Variants in MTCL1 observed in about 807,000 individuals in gnomAD.
The protein encoded by MTCL1 is microtubule cross-linking factor 1.
A neutral mutation model predicts 141.4 loss-of-function variants in MTCL1; 79 were observed. That is an observed-to-expected ratio of 0.56 (90% confidence interval 0.47 to 0.67). The LOEUF is 0.67. Ranked by LOEUF, MTCL1 falls within the 30% of genes least tolerant of loss-of-function variation. The pLI is 0.00. For synonymous variants in MTCL1, 914 were observed against 875.8 expected (o/e 1.04, Z -0.77); for missense variants, 2,177 against 2,113.9 (o/e 1.03, Z -0.59).
chr18:8,755,892 C>T (rs552019867), intron 4 of MTCL1, among the ~76,000 whole-genome samples: 2 of 152,306 alleles, frequency 1.3e-5, no homozygotes, highest in East Asian at 3.9e-4. Flanking sequence ...GTAATCCCTG[C>T]ACTTTGGGAG....
intron 10 of MTCL1, among the ~76,000 whole-genome samples, chr18:8,804,495 CTT>C (rs530274618): frequency 2.2e-3 from 339 of 152,214 alleles, no homozygotes; most frequent in African/African-American, 7.8e-3. Context: ...GTGAGCATGT[CTT>C]TGAGTATAGT....
intron 7 of MTCL1, among the ~76,000 whole-genome samples, chr18:8,792,038 G>A (rs554655904): frequency 2.6e-5 from 4 of 152,276 alleles, no homozygotes; most frequent in South Asian, 2.1e-4. Flanking sequence ...CCCAGGTACC[G>A]ATTAGGAAGA....
chr18:8,705,802 T>G lies in MTCL1; in HGVS notation c.142T>G (p.Phe48Val). The change falls in exon 1 of 14, where the codon TTC (phenylalanine) becomes GTC (valine). Residue 48 changes from phenylalanine (F) to valine (V), a missense_variant. Phe to Val is a conservative substitution (Grantham distance 50). Transcript: ENST00000306329. The surrounding 1 kb of genome is among the most constrained non-coding windows in gnomAD (Gnocchi z 5.2). Reference sequence around the variant, plus strand: ...CCGTGCGCCCTCGCCCGCCAGACCCTTCCTCAAGGACCTGCACGCCCGGCC... The same window carrying G: ...CCGTGCGCCCTCGCCCGCCAGACCCGTCCTCAAGGACCTGCACGCCCGGCC... 1.7e-6 allele frequency: 2 copies of G among 1,189,690 alleles called. No homozygotes were observed. The highest frequency in any genetic ancestry group is 1.0e-6 in the Non-Finnish European group (1 of 960,470). 73.7% of individuals were successfully genotyped at this position (1,189,690 alleles called of 1,614,324 possible).
chr18:8,812,979 C>G (rs1186304509), exon 12 of MTCL1: 1 of 1,607,692 alleles, frequency 6.2e-7, no homozygotes, highest in Non-Finnish European at 8.5e-7. Flanking sequence ...TCCTTGACAG[C>G]TGGAAGAGAA....
At chr18:8,785,285 G>A (rs1329866432) in intron 6 of MTCL1, among the ~76,000 whole-genome samples, 2 of 152,172 alleles carry the variant, frequency 1.3e-5, no homozygotes, top group Admixed American at 6.5e-5. Context: ...TAACGAGCAC[G>A]TCCCTTCCTG....
upstream of MTCL1, among the ~76,000 whole-genome samples, chr18:8,716,919 C>T (rs2096132005): frequency 1.3e-5 from 2 of 152,116 alleles, no homozygotes; most frequent in African/African-American, 4.8e-5. Flanking sequence ...CTTGTGTAAC[C>T]CTTCAGTAGA....
intron 5 of MTCL1, among the ~76,000 whole-genome samples, chr18:8,780,342 C>T (rs1408836877): frequency 3.9e-5 from 6 of 152,244 alleles, no homozygotes; most frequent in Admixed American, 3.3e-4. Context: ...GGACTGGCTC[C>T]ACCACATCAA....
At chr18:8,785,113 G>A (rs2096547537) in intron 6 of MTCL1, among the ~76,000 whole-genome samples, 1 of 151,640 alleles carries the variant, frequency 6.6e-6, no homozygotes, top group Admixed American at 6.6e-5. Flanking sequence ...ATGGTTTAGA[G>A]GCCCTCCCAG....
intron 4 of MTCL1, among the ~76,000 whole-genome samples, chr18:8,750,443 G>A (rs1451616454): frequency 1.3e-5 from 2 of 152,200 alleles, no homozygotes; most frequent in Admixed American, 1.3e-4. Flanking sequence ...CCAGGGTGGG[G>A]CCCCACCTGC....
At chr18:8,705,627 T>G (rs2096056354), upstream of MTCL1, 9 of 1,207,434 alleles carry the variant, frequency 7.5e-6, no homozygotes, top group Non-Finnish European at 9.2e-6. This position sits in a 1 kb window ranked among gnomAD's most constrained non-coding sequence, Gnocchi z 5.2. Context: ...GTCCGGAGCA[T>G]CTGCTGCCTG....
At chr18:8,758,554 T>C (rs781120057) in intron 4 of MTCL1, among the ~76,000 whole-genome samples, 1 of 152,256 alleles carries the variant, frequency 6.6e-6, no homozygotes. Context: ...TCACCTGTGA[T>C]AAGCATAGTG....
chr18:8,719,557 G>T (rs939798797), intron 3 of MTCL1, among the ~76,000 whole-genome samples: 2 of 152,092 alleles, frequency 1.3e-5, no homozygotes, highest in African/African-American at 2.4e-5. Context: ...TATGCATAGA[G>T]AATTTTTTTT....
At chr18:8,762,829 A>G (rs1005173225) in intron 4 of MTCL1, among the ~76,000 whole-genome samples, 18 of 152,186 alleles carry the variant, frequency 1.2e-4, no homozygotes, top group African/African-American at 4.3e-4. Context: ...TAGGGCGGGA[A>G]GGAGGAGATG....
At chr18:8,804,255 T>A (rs1475476713) in intron 10 of MTCL1, among the ~76,000 whole-genome samples, 1 of 127,580 alleles carries the variant, frequency 7.8e-6, no homozygotes, top group African/African-American at 4.2e-5. Context: ...ATTTTTAGAT[T>A]TTTTTTTTTT....
chr18:8,775,862 C>A (rs933306325), intron 4 of MTCL1, among the ~76,000 whole-genome samples: 1 of 152,168 alleles, frequency 6.6e-6, no homozygotes, highest in Non-Finnish European at 1.5e-5. Flanking sequence ...GGAGGGCCTT[C>A]TCTCAGTTAT....
At position 8,765,429 on chromosome 18, in the gene MTCL1, G is replaced by A. The variant is rs150999962; in HGVS notation, c.358-12404G>A. Among the ~76,000 whole-genome samples, 196 of 152,338 alleles carry A rather than the reference G, an allele frequency of 1.3e-3. 2 individuals are homozygous for A. In the East Asian group the frequency reaches 0.03, roughly 23 times the overall value. ...CCTGCACTGTTGGTGGCCTGGTTGC[G>A]TGTGCGCCAGAGGCAGCTGTGATAT... On this transcript the variant is annotated intron_variant, in intron 4 of 16. Coordinates refer to ENST00000359865, the Ensembl canonical transcript of MTCL1.
chr18:8,770,197 G>A (rs1323255391), intron 4 of MTCL1, among the ~76,000 whole-genome samples: 1 of 152,128 alleles, frequency 6.6e-6, no homozygotes, highest in Admixed American at 6.5e-5. Context: ...CAAGTTTAGG[G>A]GATCTTGAAA....
At chr18:8,790,743 G>A (rs911688313) in intron 7 of MTCL1, among the ~76,000 whole-genome samples, 3 of 152,172 alleles carry the variant, frequency 2.0e-5, no homozygotes, top group East Asian at 1.9e-4. Flanking sequence ...GGCCAGGCAC[G>A]GTGGCTCACG....
upstream of MTCL1, among the ~76,000 whole-genome samples, chr18:8,715,132 T>C (rs975891496): frequency 6.6e-6 from 1 of 152,212 alleles, no homozygotes; most frequent in Non-Finnish European, 1.5e-5. Flanking sequence ...TGTTGGTGAT[T>C]ATTTGTGCCA....
Sources: gnomAD v4.1 joint callset for allele counts (sites outside exome capture counted in the v4.1 genomes callset) on GRCh38, gnomAD v4.1.1 for gene constraint, Gnocchi (gnomAD v3.1) non-coding constraint, MANE v1.5 for transcripts, NCBI Gene and HGNC (gene_info 2026-07-23, HGNC 2026-07-21) for gene names.